The following CACNA2D3 variants were observed in gnomAD, a reference collection of about 807,000 sequenced individuals.
CACNA2D3 encodes the protein voltage-dependent calcium channel subunit alpha-2/delta-3.
CACNA2D3 carries 60 observed loss-of-function variants against 160.6 expected under a neutral mutation model. The ratio of observed to expected loss-of-function variants is 0.37; its 90% confidence interval spans 0.30 to 0.46. The LOEUF is 0.46. Ranked by LOEUF, CACNA2D3 falls within the 20% of genes least tolerant of loss-of-function variation. The probability of loss-of-function intolerance (pLI) is 1.00; values close to 1 mark genes in which losing one functional copy is unlikely to be tolerated. For missense variants in CACNA2D3, 1,205 were observed against 1,365.0 expected (o/e 0.88, Z 1.85); for synonymous variants, 558 against 492.9 (o/e 1.13, Z -1.75).
intron 10 of CACNA2D3, among the ~76,000 whole-genome samples, chr3:54,637,017 A>G (rs1699389080): frequency 1.3e-5 from 2 of 151,890 alleles, no homozygotes; most frequent in Admixed American, 1.3e-4. Context: ...GGTATTGAGG[A>G]TAGGAGAGTA....
intron 5 of CACNA2D3, among the ~76,000 whole-genome samples, chr3:54,518,622 T>C (rs1048327990): frequency 1.3e-5 from 2 of 152,256 alleles, no homozygotes; most frequent in African/African-American, 2.4e-5. Context: ...TGCTCTCTGC[T>C]TATCCTGACA....
At chr3:54,296,608 T>C (rs1703348024) in intron 2 of CACNA2D3, among the ~76,000 whole-genome samples, 1 of 152,198 alleles carries the variant, frequency 6.6e-6, no homozygotes, top group African/African-American at 2.4e-5. Context: ...ACGGGATGTG[T>C]ACACGATATG....
At chr3:54,982,468 A>T (rs866517026) in intron 29 of CACNA2D3, among the ~76,000 whole-genome samples, 155 of 152,264 alleles carry the variant, frequency 1.0e-3, no homozygotes, top group African/African-American at 3.6e-3. Flanking sequence ...CAACTGGTGC[A>T]TGCAGATGAT....
chr3:54,297,712 C>CAA lies in CACNA2D3; in HGVS notation c.205-22714_205-22713dup, dbSNP rs5849037. Reference sequence around the variant, plus strand: ...ATGTTGGTTCCCCTCTCCCCGCCACCAAAAAAAAAAAAAAAAAGAGTGAAG... The same window carrying CAA: ...ATGTTGGTTCCCCTCTCCCCGCCACCAAAAAAAAAAAAAAAAAAAGAGTGAAG... On this transcript the variant is annotated intron_variant, in intron 2 of 37. Coordinates refer to ENST00000474759, the MANE Select transcript of CACNA2D3 (RefSeq NM_018398.3). Among the ~76,000 whole-genome samples the CAA allele has an allele frequency of 4.9e-3, 564 of 116,226 alleles. 1 individual carries two copies. The highest frequency in any genetic ancestry group is 0.012 in the African/African-American group (374 of 30,648). 76.2% of individuals were successfully genotyped at this position (116,226 alleles called of 152,430 possible). A position where few individuals can be genotyped will look rare whatever the true frequency, so the allele number is the denominator to read the frequency against.
chr3:54,646,130 C>T (rs547436296), intron 11 of CACNA2D3, among the ~76,000 whole-genome samples: 4,609 of 23,734 alleles, frequency 0.19, 285 homozygotes, highest in Non-Finnish European at 0.22. Flanking sequence ...TTCCTTTCTT[C>T]CTTCCTTCCT....
chr3:54,222,569 C>T (rs983020452), intron 2 of CACNA2D3, among the ~76,000 whole-genome samples: 2 of 152,196 alleles, frequency 1.3e-5, no homozygotes, highest in African/African-American at 4.8e-5. Flanking sequence ...AACCCTGTGC[C>T]CCAGTCAAGT....
At chr3:55,056,387 A>G (rs1218310486) in intron 35 of CACNA2D3, among the ~76,000 whole-genome samples, 1 of 152,170 alleles carries the variant, frequency 6.6e-6, no homozygotes, top group Non-Finnish European at 1.5e-5. Flanking sequence ...CATTATAGAA[A>G]ACTGTATGGA....
At chr3:54,439,998 G>C (rs6414576) in intron 4 of CACNA2D3, among the ~76,000 whole-genome samples, 142,083 of 152,240 alleles carry the variant, frequency 0.93, 66,614 homozygotes, top group Non-Finnish European at 0.98. Context: ...TTACTCTGAC[G>C]TTGCCTGGCC....
intron 4 of CACNA2D3, among the ~76,000 whole-genome samples, chr3:54,496,719 G>A (rs981058175): frequency 6.6e-6 from 1 of 152,064 alleles, no homozygotes; most frequent in Non-Finnish European, 1.5e-5. Flanking sequence ...CTACCTGGAG[G>A]CCATAAAGTA....
At chr3:54,591,224 G>T (rs550639716) in intron 9 of CACNA2D3, among the ~76,000 whole-genome samples, 1 of 152,288 alleles carries the variant, frequency 6.6e-6, no homozygotes, top group South Asian at 2.1e-4. Context: ...GGAAAAGTCA[G>T]CACCCAAAAC....
At chr3:54,517,879 G>A (rs1312070354) in intron 5 of CACNA2D3, among the ~76,000 whole-genome samples, 2 of 152,118 alleles carry the variant, frequency 1.3e-5, no homozygotes, top group African/African-American at 4.8e-5. Flanking sequence ...CAGTGGACCA[G>A]GACCCCACTG....
At chr3:54,128,619 C>T (rs1179734672) in intron 2 of CACNA2D3, among the ~76,000 whole-genome samples, 1 of 152,150 alleles carries the variant, frequency 6.6e-6, no homozygotes, top group Non-Finnish European at 1.5e-5. Flanking sequence ...TTTCTTCACC[C>T]CAGCACATCT....
chr3:54,826,915 G>A (rs1019983299), intron 14 of CACNA2D3, among the ~76,000 whole-genome samples: 2 of 152,164 alleles, frequency 1.3e-5, no homozygotes, highest in African/African-American at 4.8e-5. Flanking sequence ...GTCTGGAATG[G>A]TCTTTATGAG....
intron 11 of CACNA2D3, among the ~76,000 whole-genome samples, chr3:54,710,030 G>T (rs1350576906): frequency 6.6e-6 from 1 of 152,138 alleles, no homozygotes; most frequent in Non-Finnish European, 1.5e-5. Context: ...AGGGAGAGAG[G>T]TGGGAGTCAA....
intron 11 of CACNA2D3, among the ~76,000 whole-genome samples, chr3:54,720,359 T>C (rs1701146726): frequency 6.6e-6 from 1 of 152,082 alleles, no homozygotes; most frequent in African/African-American, 2.4e-5. Flanking sequence ...TATTGTGAAC[T>C]TTATTTAAAG....
chr3:54,734,403 A>T (rs1701455978), intron 11 of CACNA2D3, among the ~76,000 whole-genome samples: 1 of 152,184 alleles, frequency 6.6e-6, no homozygotes, highest in Non-Finnish European at 1.5e-5. Context: ...AGTTCACAGG[A>T]AAGCTCTCAG....
chr3:54,973,100 G>A (rs3773591), intron 29 of CACNA2D3, among the ~76,000 whole-genome samples: 85,493 of 151,792 alleles, frequency 0.56, 24,282 homozygotes, highest in East Asian at 0.73. Context: ...ATTTAAGTCA[G>A]CCAAAGAAGG....
At position 54,277,194 on chromosome 3, in the gene CACNA2D3, A is replaced by G. The variant is rs138958801; in HGVS notation, c.205-43248A>G. Reference sequence around the variant, plus strand: ...GTCTGCCCTTTCCTCCCTTTTTAAAATCCCGCCAGTGCCTATGTCCTGAAT... The same window carrying G: ...GTCTGCCCTTTCCTCCCTTTTTAAAGTCCCGCCAGTGCCTATGTCCTGAAT... On this transcript the variant is annotated intron_variant, in intron 2 of 37. Transcript: ENST00000474759. Among the ~76,000 whole-genome samples the G allele has an allele frequency of 5.1e-3, 783 of 152,196 alleles. 6 individuals carry two copies. The highest frequency in any genetic ancestry group is 0.018 in the African/African-American group (750 of 41,544).
intron 33 of CACNA2D3, among the ~76,000 whole-genome samples, chr3:55,008,924 C>CACACACACAG (rs1559462312): frequency 1.2e-4 from 18 of 148,608 alleles, no homozygotes; most frequent in African/African-American, 4.3e-4. Flanking sequence ...CACACACACA[C>CACACACACAG]AGGGGGCTTA....
Sources: allele counts gnomAD v4.1 joint callset (sites outside exome capture counted in the v4.1 genomes callset), GRCh38; gene constraint gnomAD v4.1.1; transcripts MANE v1.5; gene names NCBI Gene and HGNC (gene_info 2026-07-23, HGNC 2026-07-21).